CAPNS1: variants seen among roughly 807,000 people sequenced by gnomAD.
CAPNS1 encodes CANP small subunit.
A neutral mutation model predicts 39.2 loss-of-function variants in CAPNS1; 32 were observed. The ratio of observed to expected loss-of-function variants is 0.82; its 90% CI spans 0.62 to 1.10. CAPNS1 has a LOEUF of 1.10. CAPNS1 is among the 50% of genes least tolerant of loss of function. The pLI, the probability that CAPNS1 is intolerant of heterozygous loss-of-function variation, is 0.00. For missense variants in CAPNS1, 353 were observed against 373.1 expected (o/e 0.95, Z 0.44); for synonymous variants, 153 against 136.2 (o/e 1.12, Z -0.86).
intron 6 of CAPNS1, 23 bp from the exon 7 acceptor site, chr19:36,145,783 T>G: frequency 6.2e-7 from 1 of 1,608,848 alleles, no homozygotes; most frequent in Non-Finnish European, 8.5e-7. Context: ...TAGCTGTCAC[T>G]CTTCTTAACA....
At position 36,142,332 on chromosome 19, in the gene CAPNS1, C is replaced by T. The variant is rs199916116; in HGVS notation, c.242C>T (p.Pro81Leu). 20 of 1,535,612 alleles carry T rather than the reference C, an allele frequency of 1.3e-5. No individual in the cohort carries two copies. In the Admixed American group the frequency reaches 3.0e-4, roughly 23 times the overall value. The change falls in exon 3 of 11, where the codon CCG becomes CTG. Residue 81 changes from proline (P) to leucine (L), a missense_variant and splice_region_variant. Transcript: ENST00000246533. ...EAAAQYNPEP[P>L]PPRTHYSNIE... ...GCTGCGCAGTACAACCCGGAGCCCC[C>T]GGTAAGCCCCCTCTGCAACCAGACC...
In CAPNS1 at chr19:36,145,865, A is replaced by G; in HGVS notation, c.516A>G (p.Lys172=). The part of the protein sequence containing the change: ...EEFKYLWNNI[K]RWQAIYKQFD... ...TCAAGTACTTGTGGAACAACATCAAAAGGTGGCAGGTGTGTAGAAACCTCT... is the reference window on the plus strand; with the variant it reads ...TCAAGTACTTGTGGAACAACATCAAGAGGTGGCAGGTGTGTAGAAACCTCT... The change falls in exon 7 of 11, where the codon AAA becomes AAG. Residue 172 remains lysine, a synonymous_variant. Coordinates refer to ENST00000246533, the MANE Select transcript of CAPNS1 (RefSeq NM_001749.4). 1 of 1,614,164 alleles carries G rather than the reference A, an allele frequency of 6.2e-7. No individual in the cohort carries two copies. Among genetic ancestry groups the G allele is most frequent in the Non-Finnish European group, 8.5e-7 (1 of 1,180,008 alleles).
chr19:36,141,265 A>C (rs769252196), intron 2 of CAPNS1, 45 bp downstream of exon 2: 2 of 1,488,158 alleles, frequency 1.3e-6, no homozygotes, highest in African/African-American at 2.9e-5. Context: ...GAATGGGAGG[A>C]GCCTCAGTGA....
In CAPNS1 at chr19:36,149,604, G is replaced by C. The variant is rs1974699513; in HGVS notation, c.748G>C (p.Gly250Arg). The C allele has an allele frequency of 2.7e-6, 4 of 1,503,852 alleles. No homozygotes were observed. Among genetic ancestry groups the C allele is most frequent in the Non-Finnish European group, 3.6e-6 (4 of 1,126,550 alleles). The allele number at this position is 1,503,852 out of a possible 1,614,324, so 93.2% of individuals were successfully genotyped here. A position where few individuals can be genotyped will look rare whatever the true frequency, so the allele number is the denominator to read the frequency against. ...TGCCTTCAAATCTCTTGACAAAGAT[G>C]GCACTGGACAAATCCAGGTGAACAT... Reference protein sequence around the residue: ...FRAFKSLDKDGTGQIQVNIQE... With the variant: ...FRAFKSLDKDRTGQIQVNIQE... Residue 250 changes from glycine (G) to arginine (R), a missense_variant, in exon 10 of 11, where the codon GGC (glycine) becomes CGC (arginine). Coordinates refer to ENST00000246533, the MANE Select transcript of CAPNS1 (RefSeq NM_001749.4).
At chr19:36,141,481 G>A (rs1974372181) in intron 2 of CAPNS1, 2 of 1,257,930 alleles carry the variant, frequency 1.6e-6, no homozygotes, top group East Asian at 3.4e-5. Flanking sequence ...GTGGTCCTGA[G>A]GGGACTGATG....
rs145363586 is a variant in CAPNS1 at position 36,145,484 on chromosome 19, G to A, written c.457-322G>A. ...CCTCCCAAAGTGCTGGATTGCAGGCGGGAGCCACCGTGCGTGGCCTATTAA... is the reference window on the plus strand; with the variant it reads ...CCTCCCAAAGTGCTGGATTGCAGGCAGGAGCCACCGTGCGTGGCCTATTAA... On this transcript the variant is annotated intron_variant, in intron 6 of 10. Transcript: ENST00000246533. 1.1e-4 allele frequency: 25 copies of A among 235,494 alleles called. 1 individual carries two copies. The East Asian group carries it at 1.2e-3, about 11-fold the overall frequency. 14.6% of individuals were successfully genotyped at this position (235,494 alleles called of 1,614,324 possible).
chr19:36,145,833 G>A lies in CAPNS1; in HGVS notation c.484G>A (p.Glu162Lys), dbSNP rs1195311314. Residue 162 changes from glutamate (E) to lysine (K), a missense_variant, in exon 7 of 11, where the codon GAG becomes AAG. Coordinates refer to ENST00000246533, the MANE Select transcript of CAPNS1 (RefSeq NM_001749.4). ...CGACACCACAGGCAAGCTGGGCTTT[G>A]AGGAATTCAAGTACTTGTGGAACAA... The part of the protein sequence containing the change: ...DSDTTGKLGF[E>K]EFKYLWNNIK... 1.2e-6 allele frequency: 2 copies of A among 1,614,180 alleles called. No individual in the cohort carries two copies. The highest frequency in any genetic ancestry group is 1.7e-5 in the Admixed American group (1 of 60,020).
intron 6 of CAPNS1, among the ~76,000 whole-genome samples, chr19:36,143,683 A>C (rs1220119361): frequency 6.8e-6 from 1 of 146,008 alleles, no homozygotes; most frequent in African/African-American, 2.5e-5. Flanking sequence ...AACACAGTGA[A>C]ACCCTGTCTC....
intron 2 of CAPNS1, chr19:36,141,554 GAA>G: frequency 8.6e-7 from 1 of 1,165,380 alleles, no homozygotes. Context: ...ACCTGGAGAT[GAA>G]CGTTAAAGGT....
At position 36,141,237 on chromosome 19, in the gene CAPNS1, C is replaced by G. The variant is rs1294476336; in HGVS notation, c.209+17C>G. ...CGCCATCAGGTAAGGCGGAGACTAT[C>G]AGAGGGGCGGGGCCTGGGAATGGGA... On this transcript the variant is annotated intron_variant, in intron 2 of 10. Transcript: ENST00000246533. 5 of 1,515,376 alleles carry G rather than the reference C, an allele frequency of 3.3e-6. No individual in the cohort carries two copies. The highest frequency in any genetic ancestry group is 2.7e-5 in the East Asian group (1 of 36,806). 93.9% of individuals were successfully genotyped at this position (1,515,376 alleles called of 1,614,324 possible). A position where few individuals can be genotyped will look rare whatever the true frequency, so the allele number is the denominator to read the frequency against.
chr19:36,142,358 C>G, intron 3 of CAPNS1, 25 bp downstream of exon 3: 1 of 1,382,154 alleles, frequency 7.2e-7, no homozygotes, highest in Non-Finnish European at 1.0e-6. Flanking sequence ...CAACCAGACC[C>G]CCTTCTCCTG....
chr19:36,145,202 TC>T (rs1234914667), intron 6 of CAPNS1, among the ~76,000 whole-genome samples: 1 of 100,012 alleles, frequency 1.0e-5, no homozygotes, highest in Non-Finnish European at 2.0e-5. Flanking sequence ...CTTTTCTTTC[TC>T]TTTTTTTTTT....
At chr19:36,148,511 TA>T (rs74172784) in intron 9 of CAPNS1, among the ~76,000 whole-genome samples, 17,707 of 120,296 alleles carry the variant, frequency 0.15, 1,245 homozygotes, top group African/African-American at 0.21. Context: ...AGACACCGTC[TA>T]AAAAAAAAAA....
Position 36,141,474 on chromosome 19 carries a change from G to C in CAPNS1, c.209+254G>C, listed in dbSNP as rs566458696. The C allele has an allele frequency of 2.1e-5, 26 of 1,265,696 alleles. No homozygotes were observed. In the East Asian group the frequency reaches 8.7e-4, roughly 42 times the overall value. 78.4% of individuals were successfully genotyped at this position (1,265,696 alleles called of 1,614,324 possible). A position where few individuals can be genotyped will look rare whatever the true frequency, so the allele number is the denominator to read the frequency against. ...GATTGTGTGGGACCAGGACAATGTGGTCCTGAGGGGACTGATGTGGAGTTT... is the reference window on the plus strand; with the variant it reads ...GATTGTGTGGGACCAGGACAATGTGCTCCTGAGGGGACTGATGTGGAGTTT... On this transcript the variant is annotated intron_variant, in intron 2 of 10. Transcript: ENST00000246533.
intron 9 of CAPNS1, 109 bp from the exon 10 acceptor site, chr19:36,149,469 G>GT: frequency 1.9e-6 from 2 of 1,070,960 alleles, no homozygotes; most frequent in Non-Finnish European, 2.6e-6. Flanking sequence ...AATACTCAGT[G>GT]AAGTGCCAGC....
At chr19:36,141,574 C>T (rs1164588811) in intron 2 of CAPNS1, 5 of 1,119,200 alleles carry the variant, frequency 4.5e-6, no homozygotes, top group Non-Finnish European at 5.5e-6. Flanking sequence ...GGTGCGGAGC[C>T]AATGCGTCTG....
At chr19:36,148,225 A>T (rs961736891) in intron 9 of CAPNS1, 3 of 151,540 alleles carry the variant, frequency 2.0e-5, no homozygotes, top group African/African-American at 7.3e-5. Context: ...GTCACATAAG[A>T]GGGGCCAGGA....
In CAPNS1 at chr19:36,141,489, A is replaced by G. The variant is rs533809933; in HGVS notation, c.209+269A>G. ...GGACAATGTGGTCCTGAGGGGACTGATGTGGAGTTTTGGCGGGTGGGGCTT... is the reference window on the plus strand; with the variant it reads ...GGACAATGTGGTCCTGAGGGGACTGGTGTGGAGTTTTGGCGGGTGGGGCTT... On this transcript the variant is annotated intron_variant, in intron 2 of 10. Transcript: ENST00000246533. The G allele has an allele frequency of 8.3e-5, 103 of 1,244,634 alleles. No homozygotes were observed. The African/African-American group carries it at 1.5e-3, about 18-fold the overall frequency. The allele number at this position is 1,244,634 out of a possible 1,614,324, so 77.1% of individuals were successfully genotyped here. A position where few individuals can be genotyped will look rare whatever the true frequency, so the allele number is the denominator to read the frequency against.
intron 9 of CAPNS1, among the ~76,000 whole-genome samples, chr19:36,147,752 G>A (rs1387460670): frequency 6.8e-6 from 1 of 147,724 alleles, no homozygotes. Context: ...GTGACAGATC[G>A]AGACTCCGTC....
Sources: gnomAD v4.1 joint callset for allele counts (sites outside exome capture counted in the v4.1 genomes callset) on GRCh38, gnomAD v4.1.1 for gene constraint, MANE v1.5 for transcripts, NCBI Gene and HGNC (gene_info 2026-07-23, HGNC 2026-07-21) for gene names.